The following SLC8A1 variants were observed in gnomAD, a reference collection of about 807,000 sequenced individuals.
The protein encoded by SLC8A1 is sodium/calcium exchanger 1.
In SLC8A1, 18 loss-of-function variants were observed where a neutral mutation model predicts 68.3. That is an observed-to-expected ratio of 0.26 (90% confidence interval 0.18 to 0.39). The LOEUF (loss-of-function observed/expected upper bound fraction) is 0.39. Among genes scored for constraint, SLC8A1 ranks in the 10% least tolerant of loss-of-function variants. The pLI, the probability that SLC8A1 is intolerant of heterozygous loss-of-function variation, is 1.00. For synonymous variants in SLC8A1, 475 were observed against 415.5 expected (o/e 1.14, Z -1.74); for missense variants, 985 against 1,156.7 (o/e 0.85, Z 2.15).
At chr2:40,222,919 G>A (rs1367920687) in intron 2 of SLC8A1, among the ~76,000 whole-genome samples, 1 of 152,152 alleles carries the variant, frequency 6.6e-6, no homozygotes, top group African/African-American at 2.4e-5. Context: ...CACTTTTGTT[G>A]GGAGTATAAA....
intron 2 of SLC8A1, among the ~76,000 whole-genome samples, chr2:40,420,738 G>C (rs984551432): frequency 3.3e-5 from 5 of 152,114 alleles, no homozygotes; most frequent in African/African-American, 7.2e-5. Flanking sequence ...CTCATCTTCT[G>C]AGCAGCTTGA....
At chr2:40,438,660 T>G (rs1699922085) in intron 1 of SLC8A1, among the ~76,000 whole-genome samples, 1 of 152,114 alleles carries the variant, frequency 6.6e-6, no homozygotes, top group African/African-American at 2.4e-5. Context: ...GACAGCACAT[T>G]CTAAAAGGAA....
At chr2:40,398,958 T>C (rs1012122221) in intron 2 of SLC8A1, among the ~76,000 whole-genome samples, 1 of 152,188 alleles carries the variant, frequency 6.6e-6, no homozygotes, top group African/African-American at 2.4e-5. Context: ...CTATCATCTA[T>C]ATATTTGACA....
chr2:40,488,500 T>C (rs1051150026), intron 1 of SLC8A1, among the ~76,000 whole-genome samples: 1 of 151,960 alleles, frequency 6.6e-6, no homozygotes, highest in African/African-American at 2.4e-5. Context: ...TTTAAGCCCA[T>C]TTAGCACGTG....
At chr2:40,331,881 C>T (rs1220931544) in intron 2 of SLC8A1, among the ~76,000 whole-genome samples, 5 of 152,164 alleles carry the variant, frequency 3.3e-5, no homozygotes, top group Admixed American at 6.5e-5. Context: ...GCGTGAGCCA[C>T]CGTGACCGGC....
intron 1 of SLC8A1, among the ~76,000 whole-genome samples, chr2:40,507,859 A>G (rs1706467190): frequency 6.6e-6 from 1 of 152,112 alleles, no homozygotes; most frequent in Admixed American, 6.6e-5. Context: ...AGCATGGCAG[A>G]AAGTAACATA....
intron 5 of SLC8A1, among the ~76,000 whole-genome samples, chr2:40,162,290 C>T (rs2148459648): frequency 6.6e-6 from 1 of 152,312 alleles, no homozygotes; most frequent in South Asian, 2.1e-4. Flanking sequence ...TCATCAAGTA[C>T]TCTGACCATC....
At chr2:40,312,961 TGTATATGTGTGTATA>T (rs752009446) in intron 2 of SLC8A1, among the ~76,000 whole-genome samples, 5 of 152,072 alleles carry the variant, frequency 3.3e-5, no homozygotes, top group African/African-American at 4.8e-5. Flanking sequence ...TACACACATA[TGTATATGTGTGTATA>T]AAATATATGT....
intron 2 of SLC8A1, among the ~76,000 whole-genome samples, chr2:40,284,349 A>G (rs1331826316): frequency 1.5e-5 from 2 of 136,958 alleles, no homozygotes; most frequent in Admixed American, 7.6e-5. Context: ...CTATATAAAT[A>G]TATATAGATA....
intron 2 of SLC8A1, among the ~76,000 whole-genome samples, chr2:40,356,934 T>A (rs1672833236): frequency 6.6e-6 from 1 of 152,188 alleles, no homozygotes; most frequent in Non-Finnish European, 1.5e-5. Flanking sequence ...CCATGTTTTC[T>A]CTGCTTCTTG....
At chr2:40,350,634 A>G (rs1670790839) in intron 2 of SLC8A1, among the ~76,000 whole-genome samples, 1 of 136,082 alleles carries the variant, frequency 7.3e-6, no homozygotes, top group Non-Finnish European at 1.6e-5. Context: ...ATTTCCATGT[A>G]TGGCTGAATT....
At chr2:40,486,445 G>A (rs1172361695) in intron 1 of SLC8A1, among the ~76,000 whole-genome samples, 1 of 151,652 alleles carries the variant, frequency 6.6e-6, no homozygotes, top group Non-Finnish European at 1.5e-5. Context: ...GGATCTGGAT[G>A]CTTAATCAGA....
chr2:40,492,465 A>C (rs1218602760), intron 1 of SLC8A1, among the ~76,000 whole-genome samples: 2 of 152,288 alleles, frequency 1.3e-5, no homozygotes, highest in East Asian at 3.9e-4. Context: ...CACCAAAAGC[A>C]ATGGCAACAA....
intron 2 of SLC8A1, among the ~76,000 whole-genome samples, chr2:40,422,418 A>G (rs1386542423): frequency 1.3e-5 from 2 of 152,154 alleles, no homozygotes; most frequent in South Asian, 2.1e-4. Flanking sequence ...GAGAAGCAAA[A>G]TAACAGCAAA....
intron 2 of SLC8A1, among the ~76,000 whole-genome samples, chr2:40,331,738 C>T (rs370130526): frequency 1.3e-5 from 2 of 151,870 alleles, no homozygotes; most frequent in East Asian, 1.9e-4. Flanking sequence ...GGATTACAGG[C>T]GGCCACCACT....
chr2:40,350,956 T>C (rs779224565), intron 2 of SLC8A1, among the ~76,000 whole-genome samples: 1 of 152,162 alleles, frequency 6.6e-6, no homozygotes, highest in Non-Finnish European at 1.5e-5. Flanking sequence ...GGCTAGTATA[T>C]GGCAGAGCTG....
chr2:40,177,141 G>A (rs570110151), intron 3 of SLC8A1, among the ~76,000 whole-genome samples: 1 of 151,928 alleles, frequency 6.6e-6, no homozygotes, highest in Non-Finnish European at 1.5e-5. Context: ...TCATAGATAT[G>A]GTGCCTTTTA....
intron 7 of SLC8A1, among the ~76,000 whole-genome samples, chr2:40,130,572 A>G (rs1012877280): frequency 6.6e-6 from 1 of 152,240 alleles, no homozygotes; most frequent in Non-Finnish European, 1.5e-5. Flanking sequence ...GGGTCCATTC[A>G]GCAGTACTGA....
chr2:40,412,059 C>T (rs1692319222), intron 2 of SLC8A1, among the ~76,000 whole-genome samples: 2 of 152,092 alleles, frequency 1.3e-5, no homozygotes, highest in Admixed American at 6.6e-5. Context: ...AAATAACTAG[C>T]CCAATATTAC....
Sources: gnomAD v4.1 joint callset for allele counts (sites outside exome capture counted in the v4.1 genomes callset) on GRCh38, gnomAD v4.1.1 for gene constraint, MANE v1.5 for transcripts, NCBI Gene and HGNC (gene_info 2026-07-23, HGNC 2026-07-21) for gene names.